The following KDM5A variants were observed in gnomAD, a reference collection of about 807,000 sequenced individuals.
KDM5A encodes the protein lysine demethylase 5A, also known as lysine-specific demethylase 5A.
A neutral mutation model predicts 193.5 loss-of-function variants in KDM5A; 42 were observed. That is an observed-to-expected ratio of 0.22 (90% confidence interval 0.17 to 0.28). The LOEUF (loss-of-function observed/expected upper bound fraction) is 0.28. Among genes scored for constraint, KDM5A ranks in the 10% least tolerant of loss-of-function variants. The pLI, the probability that KDM5A is intolerant of heterozygous loss-of-function variation, is 1.00. For missense variants in KDM5A, 1,692 were observed against 2,055.1 expected (o/e 0.82, Z 3.42); for synonymous variants, 796 against 718.1 (o/e 1.11, Z -1.73).
chr12:354,051 G>C (rs1263291067), intron 8 of KDM5A, 25 bp downstream of exon 8: 2 of 1,592,194 alleles, frequency 1.3e-6, no homozygotes, highest in South Asian at 1.1e-5. Context: ...AGTTAAAAAA[G>C]GATCCATAGA....
chr12:367,134 T>G (rs1308317729), intron 3 of KDM5A, among the ~76,000 whole-genome samples: 1 of 152,212 alleles, frequency 6.6e-6, no homozygotes, highest in Non-Finnish European at 1.5e-5. Flanking sequence ...ATCCCTGTCA[T>G]TAAGTGACAC....
At chr12:318,784 T>C (rs1006117846) in intron 18 of KDM5A, among the ~76,000 whole-genome samples, 4 of 152,222 alleles carry the variant, frequency 2.6e-5, no homozygotes, top group East Asian at 3.8e-4. Flanking sequence ...TACATTCTAA[T>C]GCAGATGACC....
chr12:312,915 A>G (rs1227543764), intron 20 of KDM5A, 141 bp downstream of exon 20: 31 of 1,003,022 alleles, frequency 3.1e-5, no homozygotes, highest in South Asian at 1.9e-4. Context: ...GCACCATCAT[A>G]AAGTCTAAAA....
intron 27 of KDM5A, chr12:286,327 G>C (rs1400363790): frequency 2.7e-6 from 1 of 371,780 alleles, no homozygotes; most frequent in African/African-American, 2.2e-5. Context: ...AAACTGATAG[G>C]TCAGTGGCAG....
chr12:339,717 CTA>C (rs1187582878), intron 10 of KDM5A, among the ~76,000 whole-genome samples: 7 of 152,150 alleles, frequency 4.6e-5, no homozygotes, highest in Non-Finnish European at 1.0e-4. Context: ...GTGCAAACAC[CTA>C]TGTTACATAA....
chr12:312,246 G>A (rs562378202), intron 20 of KDM5A, among the ~76,000 whole-genome samples: 54 of 152,082 alleles, frequency 3.6e-4, no homozygotes, highest in African/African-American at 1.2e-3. Flanking sequence ...TGTAAAATAC[G>A]TCTCTCCAAC....
At chr12:300,000 A>G (rs1354537123) in intron 24 of KDM5A, among the ~76,000 whole-genome samples, 1 of 150,256 alleles carries the variant, frequency 6.7e-6, no homozygotes, top group Non-Finnish European at 1.5e-5. Context: ...TCCTAAATAT[A>G]TATGCACCCA....
intron 11 of KDM5A, 42 bp downstream of exon 11, chr12:334,198 CT>C (rs1473792351): frequency 3.9e-6 from 6 of 1,531,634 alleles, no homozygotes; most frequent in Non-Finnish European, 5.4e-6. Flanking sequence ...ATCCACTAGA[CT>C]TTAGTAGAGT....
intron 2 of KDM5A, 117 bp from the exon 3 acceptor site, chr12:384,270 C>A: frequency 9.1e-6 from 7 of 772,416 alleles, no homozygotes; most frequent in South Asian, 4.2e-5. Flanking sequence ...CTGTTAGGAA[C>A]CCAGCCACAC....
At chr12:314,067 T>G (rs987891704) in intron 19 of KDM5A, among the ~76,000 whole-genome samples, 2 of 152,110 alleles carry the variant, frequency 1.3e-5, no homozygotes, top group African/African-American at 4.8e-5. Context: ...AGCCATGGAC[T>G]TCATCATGTA....
At chr12:388,269 C>T (rs1304553393) in intron 1 of KDM5A, 17 of 455,914 alleles carry the variant, frequency 3.7e-5, no homozygotes, top group Non-Finnish European at 4.0e-5. Context: ...TATAGGCAAA[C>T]CTAGTTATCT....
At chr12:373,437 C>T (rs1368879420) in intron 3 of KDM5A, among the ~76,000 whole-genome samples, 2 of 152,020 alleles carry the variant, frequency 1.3e-5, no homozygotes, top group African/African-American at 2.4e-5. Context: ...GGTGATATCC[C>T]CTTTATCATT....
At chr12:379,030 T>C (rs896645372) in intron 3 of KDM5A, among the ~76,000 whole-genome samples, 9 of 152,084 alleles carry the variant, frequency 5.9e-5, no homozygotes, top group African/African-American at 2.2e-4. Context: ...GTAATACTTT[T>C]TATTATCAAA....
chr12:370,663 C>T (rs1020358475), intron 3 of KDM5A, among the ~76,000 whole-genome samples: 81 of 151,860 alleles, frequency 5.3e-4, no homozygotes, highest in African/African-American at 1.8e-3. Context: ...ATGTGCACAA[C>T]GTGCAGGTTT....
At chr12:340,518 ACCCTGT>A (rs1272706483) in intron 10 of KDM5A, among the ~76,000 whole-genome samples, 1 of 151,888 alleles carries the variant, frequency 6.6e-6, no homozygotes, top group Non-Finnish European at 1.5e-5. Context: ...ACATGGTGAA[ACCCTGT>A]CTCTACTAAA....
chr12:383,677 C>T (rs1944604268), intron 3 of KDM5A, among the ~76,000 whole-genome samples: 1 of 151,892 alleles, frequency 6.6e-6, no homozygotes, highest in Non-Finnish European at 1.5e-5. Flanking sequence ...ATATTGATCT[C>T]AACAAATATA....
chr12:383,398 G>A (rs1944599245), intron 3 of KDM5A, among the ~76,000 whole-genome samples: 1 of 151,876 alleles, frequency 6.6e-6, no homozygotes, highest in Non-Finnish European at 1.5e-5. Context: ...TGTATTTTTA[G>A]TAGACATAGG....
intron 22 of KDM5A, among the ~76,000 whole-genome samples, chr12:308,803 T>C (rs1390268545): frequency 6.6e-6 from 1 of 152,230 alleles, no homozygotes; most frequent in African/African-American, 2.4e-5. Context: ...GAAAGAGCTA[T>C]ATCACATGCA....
intron 10 of KDM5A, among the ~76,000 whole-genome samples, chr12:348,584 A>G (rs1210561057): frequency 6.6e-6 from 1 of 152,224 alleles, no homozygotes; most frequent in African/African-American, 2.4e-5. Context: ...TGCAGCCAGA[A>G]AAAACGATGA....
Sources: gnomAD v4.1 joint callset for allele counts (sites outside exome capture counted in the v4.1 genomes callset) on GRCh38, gnomAD v4.1.1 for gene constraint, MANE v1.5 for transcripts, NCBI Gene and HGNC (gene_info 2026-07-23, HGNC 2026-07-21) for gene names.